A2M: variants seen among roughly 807,000 people sequenced by gnomAD.
A2M encodes the protein alpha-2-macroglobulin.
In A2M, 128 loss-of-function variants were observed where a neutral mutation model predicts 183.9. That is an observed-to-expected ratio of 0.70 (90% CI 0.60 to 0.81). The LOEUF is 0.81. Ranked by LOEUF, A2M falls within the 30% of genes least tolerant of loss-of-function variation. The probability of loss-of-function intolerance (pLI) is 0.00; values close to 1 mark genes in which losing one functional copy is unlikely to be tolerated. For missense variants in A2M, 1,495 were observed against 1,787.6 expected, an observed-to-expected ratio of 0.84 and a Z score of 2.95; for synonymous variants, 592 against 670.8, an observed-to-expected ratio of 0.88 and a Z score of 1.81.
chr12:9,069,385 T>C (rs1466328720), intron 33 of A2M, among the ~76,000 whole-genome samples: 1 of 152,210 alleles, frequency 6.6e-6, no homozygotes, highest in Non-Finnish European at 1.5e-5. Flanking sequence ...TTTTTTTCCC[T>C]TTCATATTGT....
intron 16 of A2M, 109 bp from the exon 17 acceptor site, chr12:9,095,193 CT>C: frequency 1.7e-6 from 1 of 575,320 alleles, no homozygotes. Flanking sequence ...TTAAATTAAA[CT>C]TTTAACATTC....
chr12:9,076,560 C>T (rs1434343334), intron 28 of A2M, among the ~76,000 whole-genome samples, 196 bp downstream of exon 28: 1 of 152,164 alleles, frequency 6.6e-6, no homozygotes, highest in Non-Finnish European at 1.5e-5. Flanking sequence ...AGCATCTGCA[C>T]GGCCTCTTGT....
chr12:9,093,654 C>CAAA, intron 17 of A2M, 75 bp from the exon 18 acceptor site: 26 of 531,534 alleles, frequency 4.9e-5, no homozygotes, highest in African/African-American at 1.3e-4. Context: ...TAGTTGCCAC[C>CAAA]AAAAAAAAAA....
intron 28 of A2M, 90 bp downstream of exon 28, chr12:9,076,666 G>T: frequency 1.7e-6 from 2 of 1,174,894 alleles, no homozygotes; most frequent in South Asian, 1.3e-5. Flanking sequence ...GAGGAGACAG[G>T]GATCACAGGA....
rs1948793434 is a variant in A2M, at chr12:9,077,856, G to A, written c.3121C>T (p.Leu1041Phe). ...AAAGTCTTCAGAACAAAGGCTGTGA[G>A]CCTGACCAGGGAGGAAGCAATCATG... Reference protein sequence around the residue: ...RYGRNQGNTWLTAFVLKTFAQ... With the variant: ...RYGRNQGNTWFTAFVLKTFAQ... Residue 1041 changes from leucine (L) to phenylalanine (F), a missense_variant and splice_region_variant, in exon 26 of 36, where the codon CTC becomes TTC. Transcript: ENST00000318602. 2 of 1,614,118 alleles carry A rather than the reference G, an allele frequency of 1.2e-6. No individual in the cohort carries two copies. The highest frequency in any genetic ancestry group is 1.3e-5 in the African/African-American group (1 of 75,042).
chr12:9,114,883 A>G (rs1310505661), intron 1 of A2M, among the ~76,000 whole-genome samples: 1 of 152,208 alleles, frequency 6.6e-6, no homozygotes, highest in Non-Finnish European at 1.5e-5. Context: ...TCAAAACAAA[A>G]TAAATACAAA....
intron 1 of A2M, among the ~76,000 whole-genome samples, chr12:9,114,599 T>G (rs1290968316): frequency 6.6e-6 from 1 of 152,054 alleles, no homozygotes. Flanking sequence ...CCAATTACCA[T>G]ACAGAAATTT....
In A2M at chr12:9,104,379, C is replaced by T; in HGVS notation, c.1126G>A (p.Gly376Ser). Residue 376 changes from glycine to serine, a missense_variant, in exon 11 of 36, where the codon GGC becomes AGC. Physicochemically the swap from Gly to Ser is moderately conservative, Grantham distance 56. Coordinates refer to ENST00000318602, the MANE Select transcript of A2M (RefSeq NM_000014.6). Reference protein sequence around the residue: ...FGQVRLVDGKGVPIPNKVIFI... With the variant: ...FGQVRLVDGKSVPIPNKVIFI... The stretch of plus-strand genomic sequence containing the variant: ...ATGACTTTATTTGGTATAGGGACGC[C>T]TTTCCCATCTACTAGGCGCACCTGA... 2 of 1,594,170 alleles carry T rather than the reference C, an allele frequency of 1.3e-6. No homozygotes were observed. The highest frequency in any genetic ancestry group is 1.1e-5 in the South Asian group (1 of 87,914).
intron 1 of A2M, among the ~76,000 whole-genome samples, chr12:9,114,755 T>A (rs936456799): frequency 3.7e-4 from 56 of 152,136 alleles, no homozygotes; most frequent in African/African-American, 1.2e-3. Context: ...ATGTAACATA[T>A]GTGGGTAGGT....
chr12:9,076,886 T>C lies in A2M; in HGVS notation c.3402A>G (p.Thr1134=). The change falls in exon 28 of 36, where the codon ACA becomes ACG. Residue 1134 remains threonine (T), a synonymous_variant. Transcript: ENST00000318602. ...GGCTGCCATGGTCCCCTTCTTGTGC[T>C]GTCTTCCAGGCTGACTCCAGGCAAA... ...ALFCLESAWK[T]AQEGDHGSHV... 4.3e-6 allele frequency: 7 copies of C among 1,612,346 alleles called. No homozygotes were observed. The highest frequency in any genetic ancestry group is 5.1e-6 in the Non-Finnish European group (6 of 1,179,194).
chr12:9,104,213 C>T (rs1172848673), intron 11 of A2M, 26 bp downstream of exon 11: 1 of 1,598,838 alleles, frequency 6.3e-7, no homozygotes, highest in South Asian at 1.2e-5. Flanking sequence ...TACTTCATGT[C>T]ATTGGTAATT....
chr12:9,069,723 A>G (rs772074530), intron 33 of A2M, 22 bp downstream of exon 33: 2 of 1,599,084 alleles, frequency 1.3e-6, no homozygotes, highest in African/African-American at 2.7e-5. Flanking sequence ...TTTTTTTGCA[A>G]ATAGACTGGA....
At chr12:9,082,788 A>C (rs1184500132) in intron 22 of A2M, among the ~76,000 whole-genome samples, 1 of 152,230 alleles carries the variant, frequency 6.6e-6, no homozygotes, top group Non-Finnish European at 1.5e-5. Flanking sequence ...AGAATATATA[A>C]ATACAAAATT....
chr12:9,075,459 T>G (rs1460651720), intron 28 of A2M, among the ~76,000 whole-genome samples: 3 of 152,172 alleles, frequency 2.0e-5, no homozygotes, highest in African/African-American at 7.2e-5. Flanking sequence ...AAAAAATCCA[T>G]GAGGAGAAAC....
chr12:9,077,823 C>A lies in A2M; in HGVS notation c.3154G>T (p.Ala1052Ser), dbSNP rs911190174. The change falls in exon 26 of 36, where the codon GCT (alanine) becomes TCT (serine). Residue 1052 changes from alanine to serine, a missense_variant. By Grantham distance (99) the Ala-to-Ser change is moderately conservative. Transcript: ENST00000318602. ...TAFVLKTFAQARAYIFIDEAH... is the reference protein window; with the variant it reads ...TAFVLKTFAQSRAYIFIDEAH... ...TCATCGATGAAGATGTAGGCTCGAG[C>A]TTGGGCAAAAGTCTTCAGAACAAAG... The A allele has an allele frequency of 9.9e-6, 16 of 1,614,016 alleles. No homozygotes were observed. Among genetic ancestry groups the A allele is most frequent in the Non-Finnish European group, 1.4e-5 (16 of 1,180,008 alleles).
At chr12:9,108,957 T>C (rs1017586661) in intron 7 of A2M, among the ~76,000 whole-genome samples, 1 of 152,174 alleles carries the variant, frequency 6.6e-6, no homozygotes, top group Non-Finnish European at 1.5e-5. Flanking sequence ...ATGTGTTAAT[T>C]ATCTCCCTAA....
Position 9,072,692 on chromosome 12 carries a change from G to C in A2M, c.3936C>G (p.Tyr1312Ter), listed in dbSNP as rs1565577429. Residue 1312 changes from tyrosine to a stop codon, truncating the protein, a stop_gained, in exon 30 of 36, where the codon TAC (tyrosine) becomes TAG (stop). Coordinates refer to ENST00000318602, the MANE Select transcript of A2M (RefSeq NM_000014.6). LOFTEE classifies it high-confidence loss of function. ...ATCCTTCTCCTGTCACTTTCATGCT[G>C]TATTCCCCAGGCAGCTCTGGCAATG... is the stretch of plus-strand genomic sequence containing the variant. ...QVSLPELPGEYSMKVTGEGCV... is the reference protein window; with the variant it reads ...QVSLPELPGE 10 of 1,614,144 alleles carry C rather than the reference G, an allele frequency of 6.2e-6. No individual in the cohort carries two copies. Among genetic ancestry groups the C allele is most frequent in the Non-Finnish European group, 5.9e-6 (7 of 1,180,032 alleles).
chr12:9,094,365 ATATATATATACC>A (rs1949307561), intron 17 of A2M, among the ~76,000 whole-genome samples: 2 of 145,594 alleles, frequency 1.4e-5, no homozygotes, highest in Non-Finnish European at 3.0e-5. Context: ...ATATATATAT[ATATATATATACC>A]TATACATGCA....
intron 4 of A2M, among the ~76,000 whole-genome samples, chr12:9,111,019 T>C (rs997321539): frequency 2.6e-5 from 4 of 152,172 alleles, no homozygotes; most frequent in Non-Finnish European, 4.4e-5. Flanking sequence ...TATGTTCAGA[T>C]GTAATCATTA....
Sources: allele counts gnomAD v4.1 joint callset (sites outside exome capture counted in the v4.1 genomes callset), GRCh38; gene constraint gnomAD v4.1.1; transcripts MANE v1.5; gene names NCBI Gene and HGNC (gene_info 2026-07-23, HGNC 2026-07-21).